Variants in URM1 observed in about 807,000 individuals in gnomAD.
URM1 encodes the protein ubiquitin-related modifier 1.
URM1 carries 11 observed loss-of-function variants against 17.7 expected under a neutral mutation model. That is an observed-to-expected ratio of 0.62 (90% confidence interval 0.39 to 1.03). The LOEUF is 1.03. Ranked by LOEUF, URM1 falls within the 50% of genes least tolerant of loss-of-function variation. The pLI is 0.00. For synonymous variants in URM1, 48 were observed against 50.6 expected (o/e 0.95, Z 0.22); for missense variants, 128 against 129.2 (o/e 0.99, Z 0.04).
intron 2 of URM1, among the ~76,000 whole-genome samples, chr9:128,381,913 C>T (rs1312142597): frequency 6.6e-6 from 1 of 152,160 alleles, no homozygotes; most frequent in Non-Finnish European, 1.5e-5. Context: ...TTACGCTTTC[C>T]TTCATTTATT....
In URM1 at chr9:128,378,007, C is replaced by A. The variant is rs767585945; in HGVS notation, c.36-29C>A. ...TTCCTATTTGCAGGAGCTCACCTGG[C>A]TGTCTTTTTCTCTGGTCCTCCTTTG... On this transcript the variant is annotated intron_variant, in intron 1 of 4. Transcript: ENST00000372853. The A allele has an allele frequency of 1.6e-5, 25 of 1,609,832 alleles. No individual in the cohort carries two copies. The African/African-American group carries it at 2.5e-4, about 16-fold the overall frequency.
chr9:128,385,342 T>C (rs1310284000), intron 2 of URM1, among the ~76,000 whole-genome samples: 6 of 152,178 alleles, frequency 3.9e-5, no homozygotes, highest in Admixed American at 3.3e-4. Flanking sequence ...TTAAGTATGG[T>C]ATGTCTCCCC....
At position 128,387,676 on chromosome 9, in the gene URM1, A is replaced by G; in HGVS notation, c.107-140A>G. 7.2e-7 allele frequency: 1 copy of G among 1,388,220 alleles called. No homozygotes were observed. The highest frequency in any genetic ancestry group is 9.8e-7 in the Non-Finnish European group (1 of 1,024,516). 86.0% of individuals were successfully genotyped at this position (1,388,220 alleles called of 1,614,324 possible). ...TGTTTCCTCACCTTTGGAATCTACA[A>G]GTTCATGGGCTATCACAGCCTGGTC... On this transcript the variant is annotated intron_variant, in intron 2 of 4. Coordinates refer to ENST00000372853, the MANE Select transcript of URM1 (RefSeq NM_030914.4). The surrounding 1 kb of genome is among the most constrained non-coding windows in gnomAD (Gnocchi z 4.3).
upstream of URM1, chr9:128,371,345 T>G (rs957644402): frequency 2.2e-5 from 36 of 1,609,446 alleles, no homozygotes; most frequent in Non-Finnish European, 2.8e-5. Flanking sequence ...GCGCCGGAAG[T>G]TGAGGGGAGT....
intron 2 of URM1, among the ~76,000 whole-genome samples, chr9:128,380,376 A>G (rs1331264387): frequency 2.0e-5 from 3 of 151,762 alleles, no homozygotes; most frequent in Non-Finnish European, 4.4e-5. Context: ...TTGAGCTGGG[A>G]GGGGATATGT....
chr9:128,389,926 A>G lies in URM1; in HGVS notation c.*192A>G. The G allele has an allele frequency of 1.4e-6, 1 of 713,136 alleles. No homozygotes were observed. Among genetic ancestry groups the G allele is most frequent in the East Asian group, 2.8e-5 (1 of 35,688 alleles). 44.2% of individuals were successfully genotyped at this position (713,136 alleles called of 1,614,324 possible). A position where few individuals can be genotyped will look rare whatever the true frequency, so the allele number is the denominator to read the frequency against. On this transcript the variant is annotated 3_prime_UTR_variant, in exon 5 of 5. Coordinates refer to ENST00000372853, the MANE Select transcript of URM1 (RefSeq NM_030914.4). ...CCTTTCTCAAGCACGTGAGCAGCGG[A>G]AGGCAGACAGGCGCCAGAGCCCAGC...
chr9:128,378,355 G>A (rs1833107521), intron 2 of URM1, among the ~76,000 whole-genome samples: 1 of 151,730 alleles, frequency 6.6e-6, no homozygotes, highest in Non-Finnish European at 1.5e-5. Context: ...TGGCCAACAT[G>A]GTGAAATCCT....
chr9:128,387,886 G>A lies in URM1; in HGVS notation c.177G>A (p.Gln59=), dbSNP rs148516435. The change falls in exon 3 of 5, where the codon CAG becomes CAA. Residue 59 remains glutamine, a synonymous_variant. Transcript: ENST00000372853. This position sits in a 1 kb window ranked among gnomAD's most constrained non-coding sequence, Gnocchi z 4.3. ...AAGAGCGGCCAGAGTTGTTCATCCA[G>A]GGAGACAGCGTGTGAGTCCCACTCC... ...LLKERPELFI[Q]GDSVRPGILV... is the part of the protein sequence containing the mutation. 20 of 1,613,956 alleles carry A rather than the reference G, an allele frequency of 1.2e-5. No individual in the cohort carries two copies. The highest frequency in any genetic ancestry group is 1.5e-5 in the Non-Finnish European group (18 of 1,180,010).
rs758639973 is a variant in URM1, at chr9:128,390,815, C to CCTCA, written c.*1082_*1085dup. 10 of 152,716 alleles carry CCTCA rather than the reference C, an allele frequency of 6.5e-5. No homozygotes were observed. Among genetic ancestry groups the CCTCA allele is most frequent in the Non-Finnish European group, 8.8e-5 (6 of 68,120 alleles). The allele number at this position is 152,716 out of a possible 1,614,324, so 9.5% of individuals were successfully genotyped here. A position where few individuals can be genotyped will look rare whatever the true frequency, so the allele number is the denominator to read the frequency against. On this transcript the variant is annotated 3_prime_UTR_variant, in exon 5 of 5. Transcript: ENST00000372853. ...GTGGTCTGTGATACAACCTCTCCATCCTCAGCCTAGGGCCTCAGAGCTACC... is the reference window on the plus strand; with the variant it reads ...GTGGTCTGTGATACAACCTCTCCATCCTCACTCAGCCTAGGGCCTCAGAGCTACC...
intron 1 of URM1, 113 bp downstream of exon 1, chr9:128,371,528 C>T: frequency 9.3e-7 from 1 of 1,079,888 alleles, no homozygotes; most frequent in Non-Finnish European, 1.4e-6. Context: ...TCCCAGTGCC[C>T]GCTGTGAGCT....
chr9:128,371,446 T>A (rs780402101), intron 1 of URM1, 31 bp downstream of exon 1: 1 of 1,606,494 alleles, frequency 6.2e-7, no homozygotes, highest in South Asian at 1.1e-5. Flanking sequence ...GCCGTGGGGA[T>A]GGATTGAAGT....
At position 128,387,983 on chromosome 9, in the gene URM1, C is replaced by A; in HGVS notation, c.188+86C>A. The stretch of plus-strand genomic sequence containing the variant: ...CACCCTCGGGTTCAGTCCTGGCCTT[C>A]TCTGAATCCGGTTCTCCCCTTCCTC... On this transcript the variant is annotated intron_variant, in intron 3 of 4. Transcript: ENST00000372853. This position sits in a 1 kb window ranked among gnomAD's most constrained non-coding sequence, Gnocchi z 4.3. 1 of 1,544,366 alleles carries A rather than the reference C, an allele frequency of 6.5e-7. No homozygotes were observed. The highest frequency in any genetic ancestry group is 8.8e-7 in the Non-Finnish European group (1 of 1,142,320).
intron 1 of URM1, among the ~76,000 whole-genome samples, chr9:128,372,514 T>G (rs895809351): frequency 2.8e-4 from 42 of 152,178 alleles, no homozygotes; most frequent in African/African-American, 8.9e-4. Context: ...GATACAAAGA[T>G]AAATAGAAGT....
At chr9:128,374,274 A>G (rs1382421237) in intron 1 of URM1, among the ~76,000 whole-genome samples, 1 of 152,092 alleles carries the variant, frequency 6.6e-6, no homozygotes, top group Non-Finnish European at 1.5e-5. Context: ...TCTGAGCGAG[A>G]CTGGTTCTCC....
At position 128,389,421 on chromosome 9, in the gene URM1, C is replaced by G. The variant is rs1004450352; in HGVS notation, c.237+112C>G. 18 of 1,599,160 alleles carry G rather than the reference C, an allele frequency of 1.1e-5. No individual in the cohort carries two copies. In the Admixed American group the frequency reaches 1.4e-4, roughly 12 times the overall value. ...AGAGTGGCTGGGTAATCCTCCGCCC[C>G]ACTCCAGCCCCACACTGAGGCTGCT... On this transcript the variant is annotated intron_variant, in intron 4 of 4. Transcript: ENST00000372853.
At chr9:128,373,671 C>T (rs1002286144) in intron 1 of URM1, among the ~76,000 whole-genome samples, 1 of 152,158 alleles carries the variant, frequency 6.6e-6, no homozygotes, top group Non-Finnish European at 1.5e-5. Context: ...CCCTGTGGTC[C>T]ATGTTGTAAA....
intron 2 of URM1, among the ~76,000 whole-genome samples, chr9:128,381,110 C>T (rs2131295160): frequency 6.6e-6 from 1 of 152,234 alleles, no homozygotes; most frequent in Non-Finnish European, 1.5e-5. Flanking sequence ...AGGTGTGAGC[C>T]ACCGCGCCCA....
intron 1 of URM1, among the ~76,000 whole-genome samples, chr9:128,376,601 C>T (rs2131290460): frequency 6.6e-6 from 1 of 150,928 alleles, no homozygotes; most frequent in East Asian, 2.0e-4. Context: ...GCGAAGGTTG[C>T]AGTGAGCCAA....
chr9:128,379,531 G>A lies in URM1; in HGVS notation c.106+1425G>A, dbSNP rs185271824. Among the ~76,000 whole-genome samples the A allele has an allele frequency of 4.4e-3, 665 of 151,668 alleles. 9 individuals carry two copies. Among genetic ancestry groups the A allele is most frequent in the African/African-American group, 0.015 (636 of 41,310 alleles). On this transcript the variant is annotated intron_variant, in intron 2 of 4. Coordinates refer to ENST00000372853, the MANE Select transcript of URM1 (RefSeq NM_030914.4). ...AGGCCAGGTGTTGGCTGGGCACGGT[G>A]GCTCACGCCTGTAATCCCAGCACTT... is the stretch of plus-strand genomic sequence containing the variant.
Sources: gnomAD v4.1 joint callset for allele counts (sites outside exome capture counted in the v4.1 genomes callset) on GRCh38, gnomAD v4.1.1 for gene constraint, Gnocchi (gnomAD v3.1) non-coding constraint, MANE v1.5 for transcripts, NCBI Gene and HGNC (gene_info 2026-07-23, HGNC 2026-07-21) for gene names.